Variants in ADAMTS19 observed in about 807,000 individuals in gnomAD.
ADAMTS19 encodes ADAM metallopeptidase with thrombospondin type 1 motif 19.
In ADAMTS19, 93 loss-of-function variants were observed where a neutral mutation model predicts 153.3. That is an observed-to-expected ratio of 0.61 (90% confidence interval 0.51 to 0.72). The LOEUF (loss-of-function observed/expected upper bound fraction) is 0.72, where lower values mean the gene tolerates loss of function less well. Ranked by LOEUF, ADAMTS19 falls within the 30% of genes least tolerant of loss-of-function variation. ADAMTS19 has a pLI of 0.00. For synonymous variants in ADAMTS19, 600 were observed against 556.6 expected (o/e 1.08, Z -1.10); for missense variants, 1,482 against 1,552.1 (o/e 0.95, Z 0.76).
At chr5:129,671,197 C>A (rs986014378) in intron 16 of ADAMTS19, among the ~76,000 whole-genome samples, 2 of 151,986 alleles carry the variant, frequency 1.3e-5, no homozygotes, top group South Asian at 2.1e-4. Flanking sequence ...GCTGCATAAA[C>A]CTAACTAGAG....
chr5:129,549,112 C>T (rs1752971128), intron 6 of ADAMTS19, among the ~76,000 whole-genome samples: 1 of 149,384 alleles, frequency 6.7e-6, no homozygotes, highest in African/African-American at 2.5e-5. Flanking sequence ...AGCAACATGG[C>T]ACATGTATAC....
Position 129,596,548 on chromosome 5 carries a change from G to A in ADAMTS19, c.1373-11G>A, listed in dbSNP as rs771188593. 5.9e-6 allele frequency: 9 copies of A among 1,520,800 alleles called. 1 individual carries two copies. The South Asian group carries it at 1.1e-4, about 18-fold the overall frequency. 94.2% of individuals were successfully genotyped at this position (1,520,800 alleles called of 1,614,324 possible). ...TTCAGACATATAATAATTAATGTTT[G>A]TATTTTTTAGGTATAGCTTACTTGA... On this transcript the variant is annotated splice_polypyrimidine_tract_variant and intron_variant, in intron 7 of 22. Coordinates refer to ENST00000274487, the MANE Select transcript of ADAMTS19 (RefSeq NM_133638.6).
At chr5:129,566,791 C>T (rs1470379685) in intron 7 of ADAMTS19, among the ~76,000 whole-genome samples, 1 of 152,088 alleles carries the variant, frequency 6.6e-6, no homozygotes, top group Non-Finnish European at 1.5e-5. Flanking sequence ...GTAACAGTGG[C>T]AGGAAGATGA....
At chr5:129,707,782 T>C (rs977271556) in intron 21 of ADAMTS19, among the ~76,000 whole-genome samples, 1 of 152,184 alleles carries the variant, frequency 6.6e-6, no homozygotes, top group South Asian at 2.1e-4. Flanking sequence ...ATTTTTAAAG[T>C]GTCAATACTA....
At chr5:129,646,634 TTTCA>T (rs1197521211) in intron 11 of ADAMTS19, among the ~76,000 whole-genome samples, 13 of 152,280 alleles carry the variant, frequency 8.5e-5, no homozygotes, top group African/African-American at 2.4e-4. Flanking sequence ...GTGTTTAGTC[TTTCA>T]TTCAATTCCT....
intron 6 of ADAMTS19, among the ~76,000 whole-genome samples, chr5:129,537,742 C>T (rs1236507975): frequency 6.6e-6 from 1 of 150,820 alleles, no homozygotes; most frequent in Non-Finnish European, 1.5e-5. Flanking sequence ...CACATGGACA[C>T]AGGAAGGGGA....
At chr5:129,707,904 G>C (rs948049789) in intron 21 of ADAMTS19, among the ~76,000 whole-genome samples, 2 of 152,124 alleles carry the variant, frequency 1.3e-5, no homozygotes, top group Non-Finnish European at 2.9e-5. Flanking sequence ...ATGAGTCCCT[G>C]GGAGAATCAA....
intron 10 of ADAMTS19, among the ~76,000 whole-genome samples, chr5:129,628,985 C>T (rs1307976371): frequency 2.6e-5 from 4 of 152,076 alleles, no homozygotes; most frequent in Admixed American, 6.6e-5. Context: ...CAAAGCATGA[C>T]TGTAGTTCTG....
intron 2 of ADAMTS19, among the ~76,000 whole-genome samples, chr5:129,481,251 CAG>C (rs1257365485): frequency 2.0e-5 from 3 of 152,090 alleles, no homozygotes; most frequent in African/African-American, 4.8e-5. Context: ...GAGAGAGAGA[CAG>C]AGAGTGCGAG....
In ADAMTS19 at chr5:129,663,085, G is replaced by A. The variant is rs548909091; in HGVS notation, c.2426-2414G>A. 9.9e-5 allele frequency among the ~76,000 whole-genome samples: 15 copies of A among 151,854 alleles called. No individual in the cohort carries two copies. The South Asian group carries it at 1.5e-3, about 15-fold the overall frequency. The stretch of plus-strand genomic sequence containing the variant: ...AATTTTTTGTATTTTTAGTAGAGAC[G>A]GGGTTTCACTGTGTTAGCCAGGATG... On this transcript the variant is annotated intron_variant, in intron 15 of 22. Coordinates refer to ENST00000274487, the MANE Select transcript of ADAMTS19 (RefSeq NM_133638.6).
intron 6 of ADAMTS19, among the ~76,000 whole-genome samples, chr5:129,536,308 A>T (rs1449825661): frequency 6.6e-6 from 1 of 152,202 alleles, no homozygotes; most frequent in Non-Finnish European, 1.5e-5. Flanking sequence ...GACACATGAA[A>T]AAATGCTCAT....
At chr5:129,484,496 A>G (rs1301027704) in intron 2 of ADAMTS19, among the ~76,000 whole-genome samples, 5 of 152,188 alleles carry the variant, frequency 3.3e-5, no homozygotes, top group Non-Finnish European at 5.9e-5. Context: ...TAAAATTTGC[A>G]CAAATTTAGT....
intron 21 of ADAMTS19, among the ~76,000 whole-genome samples, chr5:129,724,666 C>T (rs529914477): frequency 2.0e-5 from 3 of 152,254 alleles, no homozygotes; most frequent in African/African-American, 7.2e-5. Context: ...GAATAACTCT[C>T]TTTCGTAGAA....
chr5:129,687,556 T>C (rs1157261114), intron 18 of ADAMTS19, among the ~76,000 whole-genome samples: 2 of 152,206 alleles, frequency 1.3e-5, no homozygotes, highest in African/African-American at 4.8e-5. Context: ...AGGTTGACTA[T>C]AAATTTTTTT....
Position 129,738,399 on chromosome 5 carries a change from A to T in ADAMTS19, c.*1181A>T, listed in dbSNP as rs1757764231. The T allele has an allele frequency of 6.6e-6, 1 of 152,040 alleles. No individual in the cohort carries two copies. The highest frequency in any genetic ancestry group is 2.1e-4 in the South Asian group (1 of 4,826). 9.4% of individuals were successfully genotyped at this position (152,040 alleles called of 1,614,324 possible). On this transcript the variant is annotated 3_prime_UTR_variant, in exon 23 of 23. Transcript: ENST00000274487. ...TGTCTGATGAACAAAGGTACTGTCT[A>T]CTTTTGTTCTGGAGTATCTTCTAGA... is the stretch of plus-strand genomic sequence containing the variant.
chr5:129,630,251 A>G (rs1752229088), intron 10 of ADAMTS19, among the ~76,000 whole-genome samples: 1 of 152,120 alleles, frequency 6.6e-6, no homozygotes, highest in South Asian at 2.1e-4. Flanking sequence ...AGAACTATAG[A>G]AGGCCTAGTC....
chr5:129,590,082 A>G (rs1468077890), intron 7 of ADAMTS19, among the ~76,000 whole-genome samples: 1 of 152,076 alleles, frequency 6.6e-6, no homozygotes, highest in Non-Finnish European at 1.5e-5. Context: ...AATATGCTTG[A>G]TGGTAGTTAA....
At chr5:129,550,054 ATATG>A (rs199841178) in intron 6 of ADAMTS19, among the ~76,000 whole-genome samples, 3 of 80,174 alleles carry the variant, frequency 3.7e-5, no homozygotes, top group Non-Finnish European at 2.6e-5. Flanking sequence ...ATGTATCTGT[ATATG>A]TATGTATCTA....
chr5:129,611,788 T>C (rs1751232233), intron 8 of ADAMTS19, among the ~76,000 whole-genome samples: 1 of 151,944 alleles, frequency 6.6e-6, no homozygotes, highest in Non-Finnish European at 1.5e-5. Context: ...AGACACATAA[T>C]TGTCAAATTC....
Sources: allele counts gnomAD v4.1 joint callset (sites outside exome capture counted in the v4.1 genomes callset), GRCh38; gene constraint gnomAD v4.1.1; transcripts MANE v1.5; gene names NCBI Gene and HGNC (gene_info 2026-07-23, HGNC 2026-07-21).